Variants in OSBPL9 observed in about 807,000 individuals in gnomAD.
OSBPL9 encodes the protein oxysterol binding protein like 9, also known as oxysterol-binding protein-related protein 9.
Under a neutral mutation model 106.6 loss-of-function variants are expected in OSBPL9, and 40 were observed. That is an observed-to-expected ratio of 0.38 (90% CI 0.29 to 0.49). The LOEUF (loss-of-function observed/expected upper bound fraction) is 0.49, where lower values mean the gene tolerates loss of function less well. Among genes scored for constraint, OSBPL9 ranks in the 20% least tolerant of loss-of-function variants. The pLI, the probability that OSBPL9 is intolerant of heterozygous loss-of-function variation, is 0.97. For missense variants in OSBPL9, 609 were observed against 887.2 expected (o/e 0.69, Z 3.98); for synonymous variants, 269 against 295.4 (o/e 0.91, Z 0.92).
At position 51,669,489 on chromosome 1, in the gene OSBPL9, A is replaced by T. The variant is rs1190108704; in HGVS notation, c.218A>T (p.Asp73Val). The T allele has an allele frequency of 1.9e-6, 3 of 1,614,098 alleles. No individual in the cohort carries two copies. Among genetic ancestry groups the T allele is most frequent in the Non-Finnish European group, 2.5e-6 (3 of 1,179,990 alleles). The change falls in exon 3 of 24, where the codon GAT becomes GTT. Residue 73 changes from aspartate to valine, a missense_variant. Around this residue, in one of 5 missense-constraint regions of OSBPL9, gnomAD observed 72 missense variants for 140.5 expected, o/e 0.51. Transcript: ENST00000428468. Reference sequence around the variant, plus strand: ...GACAGCACCTTCACAATAACTGTTGATCAGAAAACCTTCCATTTCCAGGGT... The same window carrying T: ...GACAGCACCTTCACAATAACTGTTGTTCAGAAAACCTTCCATTTCCAGGGT... ...EDDSTFTITV[D>V]QKTFHFQARD...
the OSBPL9 span, among the ~76,000 whole-genome samples, chr1:51,569,149 G>T: frequency 6.6e-6 from 1 of 152,084 alleles, no homozygotes; most frequent in Non-Finnish European, 1.5e-5. Context: ...ACAACACTCT[G>T]GACACATTTC....
intron 9 of OSBPL9, 96 bp from the exon 10 acceptor site, chr1:51,760,594 C>T: frequency 6.4e-7 from 1 of 1,562,956 alleles, no homozygotes; most frequent in Non-Finnish European, 8.7e-7. Flanking sequence ...ATATAGCTAC[C>T]CTCAGGATTT....
chr1:51,543,674 C>T, the OSBPL9 span, among the ~76,000 whole-genome samples: 7 of 152,182 alleles, frequency 4.6e-5, no homozygotes, highest in Non-Finnish European at 7.4e-5. Flanking sequence ...GGATTACAGG[C>T]GTGAGCCACT....
the OSBPL9 span, among the ~76,000 whole-genome samples, chr1:51,558,426 C>A: frequency 6.6e-6 from 1 of 152,154 alleles, no homozygotes; most frequent in Non-Finnish European, 1.5e-5. Context: ...CCCAATTCTC[C>A]TATAGATAAC....
chr1:51,753,156 A>G lies in OSBPL9; in HGVS notation c.543+2961A>G, dbSNP rs992430814. Among the ~76,000 whole-genome samples, 61 of 152,238 alleles carry G rather than the reference A, an allele frequency of 4.0e-4. 1 individual carries two copies. The highest frequency in any genetic ancestry group is 1.4e-3 in the Admixed American group (21 of 15,282). ...AACTAATCTTTAGGTAAATTTAATC[A>G]GTTAATCTATGATTAAGATAAAAGA... On this transcript the variant is annotated intron_variant, in intron 8 of 23. Transcript: ENST00000428468.
chr1:51,533,223 T>G, the OSBPL9 span, among the ~76,000 whole-genome samples: 1 of 152,106 alleles, frequency 6.6e-6, no homozygotes, highest in Admixed American at 6.6e-5. Flanking sequence ...GGCTCACGCC[T>G]GTAATCCTTG....
the OSBPL9 span, among the ~76,000 whole-genome samples, chr1:51,558,319 A>G: frequency 1.3e-5 from 2 of 151,964 alleles, no homozygotes; most frequent in African/African-American, 4.8e-5. Context: ...CCTTCCCAAA[A>G]CAAACCCCCT....
upstream of OSBPL9, among the ~76,000 whole-genome samples, chr1:51,616,204 C>T (rs1644054227): frequency 6.6e-6 from 1 of 152,012 alleles, no homozygotes; most frequent in African/African-American, 2.4e-5. Flanking sequence ...AGGCTGGTCT[C>T]GAACGCCTGA....
At chr1:51,785,008 A>G (rs1677266618) in intron 20 of OSBPL9, 1 of 190,592 alleles carries the variant, frequency 5.2e-6, no homozygotes, top group Non-Finnish European at 1.1e-5. Context: ...TAACCATCAC[A>G]TTTTGCACGC....
chr1:51,566,736 C>G, the OSBPL9 span, among the ~76,000 whole-genome samples: 1 of 152,186 alleles, frequency 6.6e-6, no homozygotes, highest in Admixed American at 6.5e-5. Flanking sequence ...ACACACTCCT[C>G]TGGTCTCCCT....
intron 1 of OSBPL9, among the ~76,000 whole-genome samples, chr1:51,617,454 G>T (rs1644123389): frequency 6.6e-6 from 1 of 152,166 alleles, no homozygotes; most frequent in African/African-American, 2.4e-5. Flanking sequence ...GGTTGGGGGT[G>T]AGCCAAGTTT....
At chr1:51,692,169 C>A (rs909122547) in intron 3 of OSBPL9, among the ~76,000 whole-genome samples, 1 of 151,908 alleles carries the variant, frequency 6.6e-6, no homozygotes. Flanking sequence ...ATTAGCCAGG[C>A]GTGGTAGCAT....
chr1:51,695,977 T>C (rs1655935906), intron 3 of OSBPL9, among the ~76,000 whole-genome samples: 1 of 152,210 alleles, frequency 6.6e-6, no homozygotes, highest in Non-Finnish European at 1.5e-5. Flanking sequence ...ATGTAGTGGT[T>C]CATGGAAGAG....
chr1:51,689,789 A>G (rs1268962586), intron 3 of OSBPL9, among the ~76,000 whole-genome samples: 1 of 152,192 alleles, frequency 6.6e-6, no homozygotes, highest in Non-Finnish European at 1.5e-5. Flanking sequence ...TTACCCAATT[A>G]GCCAAATTTG....
intron 1 of OSBPL9, among the ~76,000 whole-genome samples, chr1:51,622,834 C>G (rs1389465872): frequency 6.6e-6 from 1 of 152,236 alleles, no homozygotes; most frequent in East Asian, 1.9e-4. Flanking sequence ...AAATTCCACT[C>G]ATGCTCCTGG....
the OSBPL9 span, among the ~76,000 whole-genome samples, chr1:51,545,381 C>T: frequency 1.7e-4 from 26 of 152,256 alleles, 1 homozygote; most frequent in East Asian, 3.7e-3. Context: ...CCTGGACAAA[C>T]ATGGCGAAAC....
intron 2 of OSBPL9, among the ~76,000 whole-genome samples, chr1:51,601,566 G>A (rs1645325373): frequency 2.0e-5 from 3 of 152,150 alleles, no homozygotes; most frequent in African/African-American, 7.2e-5. Context: ...TACCTATACT[G>A]TTCTCTTTGA....
At chr1:51,548,243 T>C in the OSBPL9 span, among the ~76,000 whole-genome samples, 2,907 of 152,152 alleles carry the variant, frequency 0.019, 28 homozygotes, top group Middle Eastern at 0.031. Flanking sequence ...TACAATTTCT[T>C]TTTGTTTGGT....
intron 17 of OSBPL9, 124 bp from the exon 18 acceptor site, chr1:51,783,791 G>A (rs923377945): frequency 1.6e-5 from 11 of 692,082 alleles, no homozygotes; most frequent in South Asian, 5.5e-5. Flanking sequence ...ACCTCCTGGC[G>A]TAATTGGAGG....
Sources: allele counts gnomAD v4.1 joint callset (sites outside exome capture counted in the v4.1 genomes callset), GRCh38; gene constraint gnomAD v4.1.1; regional missense constraint gnomAD v4.1.1; transcripts MANE v1.5; gene names NCBI Gene and HGNC (gene_info 2026-07-23, HGNC 2026-07-21).